GCSAML: variants seen among roughly 807,000 people sequenced by gnomAD.
The protein encoded by GCSAML is germinal center associated signaling and motility like.
In GCSAML, 9 loss-of-function variants were observed where a neutral mutation model predicts 13.0. The ratio of observed to expected loss-of-function variants is 0.69; its 90% CI spans 0.42 to 1.21. The LOEUF (loss-of-function observed/expected upper bound fraction) is 1.21, where lower values mean the gene tolerates loss of function less well. Ranked by LOEUF, GCSAML falls within the 50% of genes most tolerant of loss-of-function variation. The pLI is 0.00. For missense variants in GCSAML, 143 were observed against 153.4 expected, an observed-to-expected ratio of 0.93 and a Z score of 0.36; for synonymous variants, 37 against 52.9, an observed-to-expected ratio of 0.70 and a Z score of 1.31.
At chr1:247,555,689 A>G (rs1382766097) in intron 1 of GCSAML, among the ~76,000 whole-genome samples, 4 of 152,234 alleles carry the variant, frequency 2.6e-5, no homozygotes, top group African/African-American at 4.8e-5. Context: ...CAGAAGTGAC[A>G]ATAGAGGAAA....
chr1:247,556,766 C>T (rs1553306388), intron 2 of GCSAML, among the ~76,000 whole-genome samples: 1 of 152,126 alleles, frequency 6.6e-6, no homozygotes, highest in Non-Finnish European at 1.5e-5. Context: ...CCATATTTCC[C>T]ACCTTTTCCT....
intron 1 of GCSAML, 138 bp from the exon 2 acceptor site, chr1:247,556,269 A>G (rs1667942365): frequency 1.6e-6 from 1 of 639,906 alleles, no homozygotes; most frequent in African/African-American, 1.8e-5. Context: ...GTGACTGCTT[A>G]TTGATTTTGA....
rs745487683 is a variant in GCSAML, at chr1:247,539,593, C to T, written c.-147-9452C>T. 3.7e-4 allele frequency among the ~76,000 whole-genome samples: 57 copies of T among 152,160 alleles called. No individual in the cohort carries two copies. In the Middle Eastern group the frequency reaches 0.017, roughly 45 times the overall value. On this transcript the variant is annotated intron_variant, in intron 2 of 5. Coordinates refer to the GCSAML transcript ENST00000366489. ...TTAAAATAAACTAGAAACAAGTGACCGACTAAAAGCAAGCGACTAAAGCCA... is the reference window on the plus strand; with the variant it reads ...TTAAAATAAACTAGAAACAAGTGACTGACTAAAAGCAAGCGACTAAAGCCA...
chr1:247,533,715 A>G (rs1572323108), intron 2 of GCSAML: 1 of 152,338 alleles, frequency 6.6e-6, no homozygotes, highest in East Asian at 1.9e-4. Context: ...CTAAGCATAA[A>G]AATGGGAAGT....
chr1:247,536,579 C>T (rs761644550), intron 2 of GCSAML: 6 of 152,048 alleles, frequency 3.9e-5, no homozygotes, highest in Non-Finnish European at 8.8e-5. Flanking sequence ...TGATTGTAAC[C>T]CCTGGAGCCT....
intron 1 of GCSAML, among the ~76,000 whole-genome samples, chr1:247,521,918 C>T (rs1333090826): frequency 6.6e-6 from 1 of 151,996 alleles, no homozygotes; most frequent in Non-Finnish European, 1.5e-5. Flanking sequence ...TGGCCGCCAT[C>T]CCGTCTAGGA....
rs1258755710 is a variant in GCSAML, at chr1:247,526,128, A to G, written c.-262-812A>G. On this transcript the variant is annotated intron_variant, in intron 1 of 5. Transcript: ENST00000366489. The surrounding 1 kb of genome is among the most constrained non-coding windows in gnomAD (Gnocchi z 4.8). Reference sequence around the variant, plus strand: ...GGTTTGAAATATACCTGTGCACAGCATGTGTTGAGATGAGAAAATATCTGT... The same window carrying G: ...GGTTTGAAATATACCTGTGCACAGCGTGTGTTGAGATGAGAAAATATCTGT... 6.6e-6 allele frequency: 1 copy of G among 152,202 alleles called. No individual in the cohort carries two copies. The highest frequency in any genetic ancestry group is 1.5e-5 in the Non-Finnish European group (1 of 68,054). 9.4% of individuals were successfully genotyped at this position (152,202 alleles called of 1,614,324 possible).
intron 4 of GCSAML, among the ~76,000 whole-genome samples, chr1:247,566,899 A>T (rs1246261702): frequency 6.6e-6 from 1 of 151,856 alleles, no homozygotes; most frequent in East Asian, 1.9e-4. Context: ...CTTATTCATT[A>T]CTTACTGAGG....
At chr1:247,536,641 G>T (rs764987794) in intron 2 of GCSAML, among the ~76,000 whole-genome samples, 1 of 151,858 alleles carries the variant, frequency 6.6e-6, no homozygotes, top group Non-Finnish European at 1.5e-5. Context: ...AAAAGTGGAG[G>T]GAAAAAAGCT....
intron 1 of GCSAML, among the ~76,000 whole-genome samples, chr1:247,508,416 C>A (rs1665902117): frequency 6.6e-6 from 1 of 152,128 alleles, no homozygotes; most frequent in South Asian, 2.1e-4. Context: ...GGATATTAGA[C>A]CTTTGTCAGA....
intron 2 of GCSAML, among the ~76,000 whole-genome samples, chr1:247,563,103 C>T (rs1047963395): frequency 6.6e-5 from 10 of 151,862 alleles, no homozygotes; most frequent in African/African-American, 2.4e-4. Context: ...CCGCCTTGGC[C>T]TCCCAAAGTG....
chr1:247,535,607 A>G (rs1218814635), intron 2 of GCSAML, among the ~76,000 whole-genome samples: 1 of 152,252 alleles, frequency 6.6e-6, no homozygotes, highest in African/African-American at 2.4e-5. Context: ...GAAAATGTGT[A>G]AATGATGCTG....
Position 247,543,956 on chromosome 1 carries a change from A to T in GCSAML, c.-147-5089A>T, listed in dbSNP as rs73148489. On this transcript the variant is annotated intron_variant, in intron 2 of 5. Transcript: ENST00000366489. ...CTACAAGTGTGCGTCACCCTGGTTTAACTTCTAATTTTATGTGAACAAGAG... is the reference window on the plus strand; with the variant it reads ...CTACAAGTGTGCGTCACCCTGGTTTTACTTCTAATTTTATGTGAACAAGAG... 1.4e-3 allele frequency among the ~76,000 whole-genome samples: 218 copies of T among 152,226 alleles called. 1 individual carries two copies. The highest frequency in any genetic ancestry group is 5.0e-3 in the African/African-American group (206 of 41,546).
chr1:247,535,316 AAAC>A (rs1667175813), intron 2 of GCSAML, among the ~76,000 whole-genome samples: 1 of 152,148 alleles, frequency 6.6e-6, no homozygotes, highest in Non-Finnish European at 1.5e-5. Context: ...CCCTGTCTCA[AAAC>A]AACAACAAAC....
chr1:247,531,624 C>T (rs1458387754), intron 2 of GCSAML: 4 of 1,614,018 alleles, frequency 2.5e-6, no homozygotes, highest in Non-Finnish European at 3.4e-6. Flanking sequence ...TCTTCACCTC[C>T]GTGTTCCTCA....
At chr1:247,543,204 A>G (rs930082978) in intron 2 of GCSAML, among the ~76,000 whole-genome samples, 1 of 152,220 alleles carries the variant, frequency 6.6e-6, no homozygotes, top group Non-Finnish European at 1.5e-5. Context: ...GCATAAGAAC[A>G]AGATGTTCAA....
chr1:247,533,476 A>C (rs1667093514), intron 2 of GCSAML: 1 of 151,670 alleles, frequency 6.6e-6, no homozygotes, highest in Admixed American at 6.8e-5. Flanking sequence ...TTCTGTGTTA[A>C]AACTAGCCAT....
At chr1:247,515,521 C>T (rs573153954) in intron 1 of GCSAML, among the ~76,000 whole-genome samples, 7 of 152,240 alleles carry the variant, frequency 4.6e-5, no homozygotes, top group Admixed American at 1.3e-4. Flanking sequence ...ATTCTGTTCT[C>T]GCACTGCTAG....
intron 2 of GCSAML, among the ~76,000 whole-genome samples, chr1:247,559,306 T>C (rs1031046457): frequency 6.6e-6 from 1 of 152,256 alleles, no homozygotes; most frequent in African/African-American, 2.4e-5. Flanking sequence ...ATTAATCTAC[T>C]GGTTTATTTG....
Sources: gnomAD v4.1 joint callset for allele counts (sites outside exome capture counted in the v4.1 genomes callset) on GRCh38, gnomAD v4.1.1 for gene constraint, Gnocchi (gnomAD v3.1) non-coding constraint, MANE v1.5 for transcripts, NCBI Gene and HGNC (gene_info 2026-07-23, HGNC 2026-07-21) for gene names.